NUP210: variants seen among roughly 807,000 people sequenced by gnomAD.
NUP210 encodes the protein nuclear pore membrane glycoprotein 210.
Under a neutral mutation model 196.0 loss-of-function variants are expected in NUP210, and 151 were observed. The observed-to-expected ratio is 0.77, with a 90% CI of 0.67 to 0.88. NUP210 has a LOEUF of 0.88. Ranked by LOEUF, NUP210 falls within the 40% of genes least tolerant of loss-of-function variation. The pLI, the probability that NUP210 is intolerant of heterozygous loss-of-function variation, is 0.00. For missense variants in NUP210, 2,314 were observed against 2,493.7 expected (o/e 0.93, Z 1.53); for synonymous variants, 1,070 against 1,052.7 (o/e 1.02, Z -0.32).
intron 1 of NUP210, among the ~76,000 whole-genome samples, chr3:13,402,545 T>C (rs1273657047): frequency 6.6e-6 from 1 of 152,030 alleles, no homozygotes; most frequent in Non-Finnish European, 1.5e-5. Flanking sequence ...CCCAAGCTCT[T>C]CCCTGGGCTG....
chr3:13,376,884 C>T (rs1698929517), intron 9 of NUP210, among the ~76,000 whole-genome samples: 1 of 152,086 alleles, frequency 6.6e-6, no homozygotes. Context: ...ACCTCCAACG[C>T]CACCTGAAGG....
intron 1 of NUP210, among the ~76,000 whole-genome samples, chr3:13,412,024 T>A (rs1055327609): frequency 2.6e-5 from 4 of 152,066 alleles, no homozygotes; most frequent in Non-Finnish European, 5.9e-5. Context: ...ATTACAGGCA[T>A]GAGCCACTGC....
At chr3:13,337,738 A>G in intron 26 of NUP210, 99 bp downstream of exon 26, 1 of 1,110,012 alleles carries the variant, frequency 9.0e-7, no homozygotes, top group Non-Finnish European at 1.3e-6. Context: ...TACCCGGGCC[A>G]GGCAGATGGA....
intron 14 of NUP210, 30 bp downstream of exon 14, chr3:13,365,916 G>A: frequency 6.2e-7 from 1 of 1,612,566 alleles, no homozygotes; most frequent in Non-Finnish European, 8.5e-7. Context: ...GTGGGCAGGG[G>A]GGTGGTAAAG....
At position 13,317,402 on chromosome 3, in the gene NUP210, C is replaced by A; in HGVS notation, c.*279G>T. ...AATAAAAATGCAACAGCACATTGTCCAGAAACCCTAGACAACCATGCAAAA... is the reference window on the plus strand; with the variant it reads ...AATAAAAATGCAACAGCACATTGTCAAGAAACCCTAGACAACCATGCAAAA... On this transcript the variant is annotated 3_prime_UTR_variant, in exon 40 of 40. Coordinates refer to ENST00000254508, the MANE Select transcript of NUP210 (RefSeq NM_024923.4). The A allele has an allele frequency of 2.1e-6, 1 of 466,052 alleles. No homozygotes were observed. The highest frequency in any genetic ancestry group is 4.2e-5 in the East Asian group (1 of 23,616). 28.9% of individuals were successfully genotyped at this position (466,052 alleles called of 1,614,324 possible).
At chr3:13,377,718 C>T (rs1319610143) in intron 8 of NUP210, among the ~76,000 whole-genome samples, 156 bp from the exon 9 acceptor site, 5 of 148,126 alleles carry the variant, frequency 3.4e-5, no homozygotes, top group African/African-American at 7.5e-5. Flanking sequence ...CTGCAGGCCC[C>T]ACACCACTTA....
Position 13,317,796 on chromosome 3 carries a change from G to C in NUP210, c.5564-15C>G. The C allele has an allele frequency of 1.3e-6, 2 of 1,573,816 alleles. No homozygotes were observed. The highest frequency in any genetic ancestry group is 1.7e-6 in the Non-Finnish European group (2 of 1,150,046). Reference sequence around the variant, plus strand: ...GGCAGCGAAATCTAGGGTGGGAAGAGAGACGATGTTAGCAGCAGAGCCAGG... The same window carrying C: ...GGCAGCGAAATCTAGGGTGGGAAGACAGACGATGTTAGCAGCAGAGCCAGG... On this transcript the variant is annotated splice_polypyrimidine_tract_variant and intron_variant, in intron 39 of 39. Transcript: ENST00000254508.
intron 3 of NUP210, among the ~76,000 whole-genome samples, chr3:13,394,453 A>G (rs1324281034): frequency 6.6e-6 from 1 of 152,274 alleles, no homozygotes; most frequent in Non-Finnish European, 1.5e-5. Flanking sequence ...AAAAGGGCAG[A>G]TCCCAGCCAT....
chr3:13,407,374 C>T (rs1700036289), intron 1 of NUP210, among the ~76,000 whole-genome samples: 1 of 152,164 alleles, frequency 6.6e-6, no homozygotes, highest in Admixed American at 6.5e-5. Context: ...TGTCCTTCCT[C>T]TTCCCTGAAG....
intron 20 of NUP210, chr3:13,344,920 C>T (rs1697661905): frequency 1.0e-6 from 1 of 985,380 alleles, no homozygotes; most frequent in Non-Finnish European, 1.2e-6. Flanking sequence ...GAACAGTCTT[C>T]CTGCATCCAC....
intron 1 of NUP210, among the ~76,000 whole-genome samples, chr3:13,413,726 T>G (rs1271461244): frequency 6.6e-6 from 1 of 151,994 alleles, no homozygotes; most frequent in Non-Finnish European, 1.5e-5. Context: ...GGGTACAGAG[T>G]GTCCATTTGG....
At position 13,379,428 on chromosome 3, in the gene NUP210, G is replaced by T; in HGVS notation, c.976+135C>A. ...AATTCCACTCAGCAGTGCTATTTCA[G>T]TTCTTTCTGATTTTCAGACCGTTGA... On this transcript the variant is annotated intron_variant, in intron 7 of 39. Transcript: ENST00000254508. The surrounding 1 kb of genome is among the most constrained non-coding windows in gnomAD (Gnocchi z 4.2). 1 of 1,174,068 alleles carries T rather than the reference G, an allele frequency of 8.5e-7. No homozygotes were observed. Among genetic ancestry groups the T allele is most frequent in the Non-Finnish European group, 1.2e-6 (1 of 804,738 alleles). 72.7% of individuals were successfully genotyped at this position (1,174,068 alleles called of 1,614,324 possible).
In NUP210 at chr3:13,339,887, A is replaced by G. The variant is rs1366688155; in HGVS notation, c.3438T>C (p.Asp1146=). 2 of 1,613,952 alleles carry G rather than the reference A, an allele frequency of 1.2e-6. No homozygotes were observed. The highest frequency in any genetic ancestry group is 4.5e-5 in the East Asian group (2 of 44,890). The part of the protein sequence containing the change: ...GTVSGLVQAV[D]AETGKVVIIS... The stretch of plus-strand genomic sequence containing the variant: ...TGATGACCACCTTGCCGGTCTCTGC[A>G]TCCACTGCCTGCACGAGCCCAGACA... Residue 1146 remains aspartate, a synonymous_variant, in exon 25 of 40, where the codon GAT becomes GAC. Transcript: ENST00000254508.
chr3:13,374,834 G>A lies in NUP210; in HGVS notation c.1431+670C>T, dbSNP rs551992211. On this transcript the variant is annotated intron_variant, in intron 11 of 39. Coordinates refer to ENST00000254508, the MANE Select transcript of NUP210 (RefSeq NM_024923.4). ...GGTGACGCACCTGAGCAGAGAGCCGGTGCCAGTGCACAGACAGGACACCTG... is the reference window on the plus strand; with the variant it reads ...GGTGACGCACCTGAGCAGAGAGCCGATGCCAGTGCACAGACAGGACACCTG... Among the ~76,000 whole-genome samples the A allele has an allele frequency of 2.0e-5, 3 of 152,316 alleles. No homozygotes were observed. The South Asian group carries it at 6.2e-4, about 32-fold the overall frequency.
At chr3:13,333,673 C>T (rs1179103818) in intron 28 of NUP210, among the ~76,000 whole-genome samples, 1 of 152,170 alleles carries the variant, frequency 6.6e-6, no homozygotes, top group Non-Finnish European at 1.5e-5. Context: ...GGGGTTTTGG[C>T]GTCAGGTGAG....
At chr3:13,324,720 C>T (rs1417826746) in intron 33 of NUP210, among the ~76,000 whole-genome samples, 3 of 152,300 alleles carry the variant, frequency 2.0e-5, no homozygotes, top group East Asian at 3.9e-4. Flanking sequence ...CGAGCTCCTC[C>T]AGGTGCCAGG....
chr3:13,337,667 C>G (rs896683720), intron 26 of NUP210, among the ~76,000 whole-genome samples, 170 bp downstream of exon 26: 11 of 152,198 alleles, frequency 7.2e-5, no homozygotes, highest in Admixed American at 5.2e-4. Flanking sequence ...TCATCAGTGG[C>G]TACCAGAGAG....
chr3:13,321,718 G>A lies in NUP210; in HGVS notation c.5033C>T (p.Thr1678Ile). ...SASLSSSHFS[T>I]EQVGAEVPFS... ...GGGCACCTCGGCCCCCACCTGCTCT[G>A]TGGAGAAGTGGCTGCTGGAGAGGGA... Residue 1678 changes from threonine to isoleucine, a missense_variant, in exon 36 of 40, where the codon ACA becomes ATA. Transcript: ENST00000254508. 6.2e-7 allele frequency: 1 copy of A among 1,614,174 alleles called. No individual in the cohort carries two copies. Among genetic ancestry groups the A allele is most frequent in the Non-Finnish European group, 8.5e-7 (1 of 1,180,036 alleles).
chr3:13,339,312 C>CT (rs1487563143), intron 25 of NUP210, among the ~76,000 whole-genome samples: 3 of 152,172 alleles, frequency 2.0e-5, no homozygotes, highest in Non-Finnish European at 4.4e-5. Context: ...AATGGTATGA[C>CT]TGACTCTGAA....
Sources: allele counts gnomAD v4.1 joint callset (sites outside exome capture counted in the v4.1 genomes callset), GRCh38; gene constraint gnomAD v4.1.1; non-coding constraint Gnocchi (gnomAD v3.1); transcripts MANE v1.5; gene names NCBI Gene and HGNC (gene_info 2026-07-23, HGNC 2026-07-21).